The following ACER3 variants were observed in gnomAD, a reference collection of about 807,000 sequenced individuals.
ACER3 encodes the protein alkaline ceramidase 3, also known as alkCDase 3.
In ACER3, 16 loss-of-function variants were observed where a neutral mutation model predicts 48.9. That is an observed-to-expected ratio of 0.33 (90% CI 0.22 to 0.50). The LOEUF (loss-of-function observed/expected upper bound fraction) is 0.50, where lower values mean the gene tolerates loss of function less well. Ranked by LOEUF, ACER3 falls within the 20% of genes least tolerant of loss-of-function variation. The pLI is 0.98. For missense variants in ACER3, 227 were observed against 326.0 expected (o/e 0.70, Z 2.34); for synonymous variants, 109 against 107.8 (o/e 1.01, Z -0.07).
At chr11:76,988,507 G>A (rs1043047338) in intron 5 of ACER3, among the ~76,000 whole-genome samples, 6 of 152,094 alleles carry the variant, frequency 3.9e-5, no homozygotes, top group Non-Finnish European at 8.8e-5. Context: ...AGTGCAGAGC[G>A]AAGGGGGAAG....
At chr11:77,019,288 G>A (rs777961174) in intron 9 of ACER3, among the ~76,000 whole-genome samples, 8 of 152,110 alleles carry the variant, frequency 5.3e-5, no homozygotes, top group Non-Finnish European at 8.8e-5. Flanking sequence ...GTGAAACCCC[G>A]TCTCTATTAA....
At chr11:76,970,983 G>A (rs1948282847) in intron 3 of ACER3, among the ~76,000 whole-genome samples, 1 of 152,098 alleles carries the variant, frequency 6.6e-6, no homozygotes, top group Admixed American at 6.5e-5. Context: ...GTGGCCTTTT[G>A]TGTCTGGTTT....
At position 77,025,792 on chromosome 11, in the gene ACER3, C is replaced by G. The variant is rs529642632; in HGVS notation, c.*5465C>G. 6.6e-6 allele frequency: 1 copy of G among 152,368 alleles called. No individual in the cohort carries two copies. The highest frequency in any genetic ancestry group is 1.9e-4 in the East Asian group (1 of 5,188). 9.4% of individuals were successfully genotyped at this position (152,368 alleles called of 1,614,324 possible). ...CTGCAAAGCCTAAAATGTTTACTCT[C>G]TGGCTTGGGAGTTTGTCTCCCCTGC... On this transcript the variant is annotated 3_prime_UTR_variant, in exon 11 of 11. Coordinates refer to ENST00000532485, the MANE Select transcript of ACER3 (RefSeq NM_018367.7).
intron 2 of ACER3, among the ~76,000 whole-genome samples, chr11:76,951,909 T>C (rs1947679782): frequency 1.3e-5 from 2 of 152,278 alleles, no homozygotes; most frequent in South Asian, 4.1e-4. Flanking sequence ...TTTTAAAAGC[T>C]GTATGGGCAA....
In ACER3 at chr11:77,020,443, T is replaced by C. The variant is rs1949454458; in HGVS notation, c.*116T>C. Reference sequence around the variant, plus strand: ...TGTCATGACCATCACAGCAGAGGAGTGACTTTCTGACTAATGCTGCCACCC... The same window carrying C: ...TGTCATGACCATCACAGCAGAGGAGCGACTTTCTGACTAATGCTGCCACCC... On this transcript the variant is annotated 3_prime_UTR_variant, in exon 11 of 11. Coordinates refer to ENST00000532485, the MANE Select transcript of ACER3 (RefSeq NM_018367.7). The C allele has an allele frequency of 5.2e-6, 6 of 1,148,258 alleles. No individual in the cohort carries two copies. The highest frequency in any genetic ancestry group is 2.2e-5 in the Admixed American group (1 of 45,602). 71.1% of individuals were successfully genotyped at this position (1,148,258 alleles called of 1,614,324 possible).
chr11:76,861,148 G>A (rs1041049780), intron 1 of ACER3, 69 bp downstream of exon 1: 4 of 1,438,066 alleles, frequency 2.8e-6, no homozygotes, highest in Admixed American at 2.1e-5. Flanking sequence ...GTGTGAGGAA[G>A]GCAAAGAGCG....
chr11:76,905,574 A>G (rs1281767617), intron 1 of ACER3, among the ~76,000 whole-genome samples: 1 of 152,166 alleles, frequency 6.6e-6, no homozygotes, highest in East Asian at 1.9e-4. Flanking sequence ...CTATATGCAT[A>G]TAAAGCATGA....
At chr11:76,945,268 T>C (rs1947443378) in intron 2 of ACER3, among the ~76,000 whole-genome samples, 2 of 152,210 alleles carry the variant, frequency 1.3e-5, no homozygotes, top group Non-Finnish European at 2.9e-5. Context: ...ATGGTGTCAG[T>C]TTCCTGCTTG....
chr11:77,004,187 C>T (rs1393728366), intron 7 of ACER3, among the ~76,000 whole-genome samples: 2 of 152,074 alleles, frequency 1.3e-5, no homozygotes, highest in Non-Finnish European at 2.9e-5. Flanking sequence ...GGTTTGTTAC[C>T]TAAAGGTCAA....
chr11:76,909,185 G>A (rs181224816), intron 1 of ACER3, among the ~76,000 whole-genome samples: 5 of 152,176 alleles, frequency 3.3e-5, no homozygotes, highest in African/African-American at 1.2e-4. Context: ...GAAAACCTAG[G>A]CAATACCATT....
At chr11:76,971,494 C>T (rs1034264852) in intron 3 of ACER3, among the ~76,000 whole-genome samples, 4 of 151,538 alleles carry the variant, frequency 2.6e-5, no homozygotes, top group African/African-American at 9.7e-5. Flanking sequence ...GAGCCAAGAT[C>T]GCGCCACTGC....
At chr11:77,012,271 A>G (rs1949282772) in intron 7 of ACER3, among the ~76,000 whole-genome samples, 1 of 152,066 alleles carries the variant, frequency 6.6e-6, no homozygotes. Flanking sequence ...TACAAAAATT[A>G]GCTAGGCATG....
At chr11:76,906,272 T>C (rs534565754) in intron 1 of ACER3, among the ~76,000 whole-genome samples, 1 of 152,312 alleles carries the variant, frequency 6.6e-6, no homozygotes, top group South Asian at 2.1e-4. Context: ...ATAGATGTAA[T>C]TTCTGTAATC....
Position 77,021,677 on chromosome 11 carries a change from TAC to T in ACER3, c.*1352_*1353del, listed in dbSNP as rs2135346022. On this transcript the variant is annotated 3_prime_UTR_variant, in exon 11 of 11. Coordinates refer to ENST00000532485, the MANE Select transcript of ACER3 (RefSeq NM_018367.7). ...CGTGACTCAGGATTAAATCCTGAGC[TAC>T]AGTTTCAAAAGGAAAATCATTTTTT... is the stretch of plus-strand genomic sequence containing the variant. The T allele has an allele frequency of 6.6e-6, 1 of 152,328 alleles. No individual in the cohort carries two copies. The highest frequency in any genetic ancestry group is 6.5e-5 in the Admixed American group (1 of 15,300). The allele number at this position is 152,328 out of a possible 1,614,324, so 9.4% of individuals were successfully genotyped here.
intron 4 of ACER3, among the ~76,000 whole-genome samples, chr11:76,984,515 A>C (rs1948647460): frequency 6.6e-6 from 1 of 152,180 alleles, no homozygotes; most frequent in Non-Finnish European, 1.5e-5. Context: ...AACTGAGAGA[A>C]CACTCTTGCT....
intron 7 of ACER3, among the ~76,000 whole-genome samples, chr11:77,010,408 A>T (rs1257058118): frequency 6.7e-6 from 1 of 148,366 alleles, no homozygotes; most frequent in Non-Finnish European, 1.5e-5. Flanking sequence ...GATACAGTTA[A>T]AGAAGCCACT....
intron 2 of ACER3, among the ~76,000 whole-genome samples, chr11:76,935,745 C>G (rs1184975061): frequency 6.6e-6 from 1 of 152,148 alleles, no homozygotes; most frequent in Non-Finnish European, 1.5e-5. Flanking sequence ...CTGCACTGTT[C>G]AATTTAGTAG....
chr11:76,958,097 A>G (rs1947889601), intron 2 of ACER3, among the ~76,000 whole-genome samples: 1 of 149,280 alleles, frequency 6.7e-6, no homozygotes, highest in South Asian at 2.1e-4. Context: ...TGCCCTGCCT[A>G]CAGAATCTTT....
chr11:76,983,926 G>A (rs1045735653), intron 4 of ACER3, among the ~76,000 whole-genome samples: 4 of 152,022 alleles, frequency 2.6e-5, no homozygotes, highest in African/African-American at 4.8e-5. Context: ...GAGTAGCTGG[G>A]ATTACAGGCA....
Sources: gnomAD v4.1 joint callset for allele counts (sites outside exome capture counted in the v4.1 genomes callset) on GRCh38, gnomAD v4.1.1 for gene constraint, MANE v1.5 for transcripts, NCBI Gene and HGNC (gene_info 2026-07-23, HGNC 2026-07-21) for gene names.